BBX: variants seen among roughly 807,000 people sequenced by gnomAD.
BBX encodes BBX high mobility group box domain containing.
In BBX, 30 loss-of-function variants were observed where a neutral mutation model predicts 100.2. That is an observed-to-expected ratio of 0.30 (90% CI 0.22 to 0.41). BBX has a LOEUF of 0.41. BBX is among the 10% of genes least tolerant of loss of function. The pLI is 1.00. For synonymous variants in BBX, 376 were observed against 388.1 expected (o/e 0.97, Z 0.37); for missense variants, 1,023 against 1,129.8 (o/e 0.91, Z 1.35).
At chr3:107,779,160 A>C (rs1325842494) in intron 13 of BBX, among the ~76,000 whole-genome samples, 3 of 151,560 alleles carry the variant, frequency 2.0e-5, no homozygotes, top group Non-Finnish European at 4.4e-5. Context: ...ACTTGGATGG[A>C]TCTCAGCATT....
intron 9 of BBX, among the ~76,000 whole-genome samples, chr3:107,748,905 G>A (rs2064839946): frequency 6.6e-6 from 1 of 151,794 alleles, no homozygotes; most frequent in Non-Finnish European, 1.5e-5. Context: ...AAAGAATACT[G>A]CATAAATGGA....
Position 107,699,573 on chromosome 3 carries a change from C to T in BBX, c.-9-10879C>T, listed in dbSNP as rs139136103. On this transcript the variant is annotated intron_variant, in intron 3 of 17. Transcript: ENST00000325805. ...TAGGTAAGAAGATCAGACAGCTGAA[C>T]CAACCTTGTGGGGCTGGAGAGGAGT... Among the ~76,000 whole-genome samples, 97 of 152,014 alleles carry T rather than the reference C, an allele frequency of 6.4e-4. 2 individuals carry two copies. Among genetic ancestry groups the T allele is most frequent in the African/African-American group, 2.2e-3 (91 of 41,270 alleles).
intron 4 of BBX, among the ~76,000 whole-genome samples, chr3:107,715,548 T>C (rs987002995): frequency 6.6e-6 from 1 of 152,252 alleles, no homozygotes; most frequent in African/African-American, 2.4e-5. Flanking sequence ...TAGTAAACAT[T>C]GTGGACTTCT....
intron 10 of BBX, among the ~76,000 whole-genome samples, chr3:107,766,876 T>C (rs1017665737): frequency 4.6e-5 from 7 of 152,068 alleles, no homozygotes; most frequent in Admixed American, 4.6e-4. Context: ...TATGCAGCCA[T>C]AAAAAAGAAT....
intron 3 of BBX, among the ~76,000 whole-genome samples, chr3:107,698,121 G>A (rs945847392): frequency 3.3e-5 from 5 of 151,670 alleles, no homozygotes; most frequent in South Asian, 2.1e-4. Flanking sequence ...AGATGAACCC[G>A]GTACCTCAGA....
chr3:107,701,176 T>G (rs1041400201), intron 3 of BBX, among the ~76,000 whole-genome samples: 2 of 152,200 alleles, frequency 1.3e-5, no homozygotes, highest in Non-Finnish European at 2.9e-5. Flanking sequence ...TTGATTTGCA[T>G]TTCTCTGATG....
chr3:107,785,628 G>A (rs771098439), intron 13 of BBX, among the ~76,000 whole-genome samples: 12 of 148,798 alleles, frequency 8.1e-5, no homozygotes, highest in Admixed American at 2.0e-4. Context: ...AAAAGTCAAT[G>A]CCCTTTAAAA....
intron 2 of BBX, among the ~76,000 whole-genome samples, chr3:107,612,935 A>G (rs2054952932): frequency 6.6e-6 from 1 of 152,136 alleles, no homozygotes; most frequent in African/African-American, 2.4e-5. Context: ...ATTTTACTGC[A>G]GCTAAGCTGG....
At chr3:107,565,088 A>G (rs1022904138) in intron 2 of BBX, among the ~76,000 whole-genome samples, 1 of 152,106 alleles carries the variant, frequency 6.6e-6, no homozygotes, top group Non-Finnish European at 1.5e-5. Context: ...TTTTGTTGCC[A>G]TGATAAAGGG....
intron 2 of BBX, among the ~76,000 whole-genome samples, chr3:107,568,774 T>A (rs2051129330): frequency 6.6e-6 from 1 of 152,238 alleles, no homozygotes; most frequent in South Asian, 2.1e-4. Flanking sequence ...TTCAGTGGTG[T>A]CCTAACAGTC....
chr3:107,600,672 C>T (rs367588852), intron 2 of BBX, among the ~76,000 whole-genome samples: 4 of 152,096 alleles, frequency 2.6e-5, no homozygotes, highest in African/African-American at 7.2e-5. Flanking sequence ...ATTTAAATTT[C>T]GTTTCTTCTC....
intron 2 of BBX, among the ~76,000 whole-genome samples, chr3:107,560,544 A>G (rs1215773087): frequency 6.6e-6 from 1 of 152,210 alleles, no homozygotes; most frequent in African/African-American, 2.4e-5. Flanking sequence ...GATATTGTAA[A>G]TATTCTGATT....
At chr3:107,803,548 ACAGTTT>A (rs2070748320) in intron 17 of BBX, among the ~76,000 whole-genome samples, 1 of 152,232 alleles carries the variant, frequency 6.6e-6, no homozygotes, top group Non-Finnish European at 1.5e-5. Flanking sequence ...CCTAACTTAG[ACAGTTT>A]TACAAAATAC....
At chr3:107,680,207 T>C (rs923680725) in intron 3 of BBX, among the ~76,000 whole-genome samples, 1 of 152,168 alleles carries the variant, frequency 6.6e-6, no homozygotes, top group Non-Finnish European at 1.5e-5. Context: ...TTCTTAGGAA[T>C]GTCTGGAAAA....
At chr3:107,699,900 A>G (rs147619780) in intron 3 of BBX, among the ~76,000 whole-genome samples, 1 of 152,056 alleles carries the variant, frequency 6.6e-6, no homozygotes, top group Admixed American at 6.5e-5. Context: ...TGTTGGAACA[A>G]TTTGTAAGTT....
intron 2 of BBX, among the ~76,000 whole-genome samples, chr3:107,616,345 T>TTTG (rs1559877776): frequency 2.0e-5 from 3 of 152,162 alleles, no homozygotes; most frequent in African/African-American, 7.2e-5. Context: ...TTTGGACATT[T>TTTG]TGGAAAAGGG....
At chr3:107,731,036 G>A (rs1209880597) in intron 6 of BBX, among the ~76,000 whole-genome samples, 1 of 152,160 alleles carries the variant, frequency 6.6e-6, no homozygotes, top group Non-Finnish European at 1.5e-5. Context: ...ATTACCAAAT[G>A]TATGATATCC....
At chr3:107,558,852 T>A (rs2050272420) in intron 2 of BBX, among the ~76,000 whole-genome samples, 1 of 152,148 alleles carries the variant, frequency 6.6e-6, no homozygotes, top group Admixed American at 6.5e-5. Flanking sequence ...GTAGCAATAA[T>A]AGCAGGGGCA....
chr3:107,552,371 AAAGG>A (rs1173162831), intron 2 of BBX, among the ~76,000 whole-genome samples: 2 of 123,364 alleles, frequency 1.6e-5, no homozygotes, highest in African/African-American at 3.0e-5. Flanking sequence ...AAAAAAAAAA[AAAGG>A]GATTGCTCTT....
Sources: allele counts gnomAD v4.1 joint callset (sites outside exome capture counted in the v4.1 genomes callset), GRCh38; gene constraint gnomAD v4.1.1; transcripts MANE v1.5; gene names NCBI Gene and HGNC (gene_info 2026-07-23, HGNC 2026-07-21).